The following DDX42 variants were observed in gnomAD, a reference collection of about 807,000 sequenced individuals.
DDX42 encodes the protein ATP-dependent RNA helicase DDX42.
In DDX42, 22 loss-of-function variants were observed where a neutral mutation model predicts 101.5. The ratio of observed to expected loss-of-function variants is 0.22; its 90% CI spans 0.15 to 0.31. The LOEUF (loss-of-function observed/expected upper bound fraction) is 0.31, where lower values mean the gene tolerates loss of function less well. DDX42 is among the 10% of genes least tolerant of loss of function. The probability of loss-of-function intolerance (pLI) is 1.00; values close to 1 mark genes in which losing one functional copy is unlikely to be tolerated. For synonymous variants in DDX42, 402 were observed against 401.2 expected, an observed-to-expected ratio of 1.00 and a Z score of -0.02; for missense variants, 849 against 1,199.9, an observed-to-expected ratio of 0.71 and a Z score of 4.32.
chr17:63,780,387 G>T (rs1431908670), intron 1 of DDX42, among the ~76,000 whole-genome samples: 1 of 152,176 alleles, frequency 6.6e-6, no homozygotes, highest in Non-Finnish European at 1.5e-5. Context: ...ATTTAATCAG[G>T]AAGGGTGGTT....
intron 1 of DDX42, among the ~76,000 whole-genome samples, chr17:63,778,445 T>A (rs1254767296): frequency 6.6e-6 from 1 of 152,228 alleles, no homozygotes; most frequent in Non-Finnish European, 1.5e-5. Context: ...TGCTTGCTTT[T>A]CATAGCACTT....
chr17:63,778,157 G>A (rs2039443262), intron 1 of DDX42, among the ~76,000 whole-genome samples: 1 of 152,184 alleles, frequency 6.6e-6, no homozygotes, highest in Non-Finnish European at 1.5e-5. Flanking sequence ...CACACACTAT[G>A]CTACTCTACC....
At chr17:63,788,311 T>C (rs1249155019) in intron 2 of DDX42, among the ~76,000 whole-genome samples, 11 of 50,578 alleles carry the variant, frequency 2.2e-4, no homozygotes, top group East Asian at 9.5e-4. Context: ...CATCTGAGTC[T>C]TTTTTTTTTT....
chr17:63,812,228 A>G lies in DDX42; in HGVS notation c.1675+20A>G. On this transcript the variant is annotated intron_variant, in intron 14 of 17. Transcript: ENST00000389924. ...TTGCAGGTAGAGTATGAATTTTTCA[A>G]CAACATTAAGTTCCTAGGCTATAAG... 1.9e-6 allele frequency: 3 copies of G among 1,604,718 alleles called. No homozygotes were observed. The highest frequency in any genetic ancestry group is 2.6e-6 in the Non-Finnish European group (3 of 1,174,920).
intron 6 of DDX42, among the ~76,000 whole-genome samples, chr17:63,804,280 GA>G (rs141563748): frequency 1.4e-4 from 21 of 147,450 alleles, no homozygotes; most frequent in Middle Eastern, 3.2e-3. Context: ...CCCTGTCTCT[GA>G]AAAAAAAAAT....
In DDX42 at chr17:63,816,720, T is replaced by A. The variant is rs78831230; in HGVS notation, c.2014-148T>A. ...GCATTTTTAAATGATTGTCACTGTG[T>A]CTTTTCTCACAAAGCAGTAGCAGCT... On this transcript the variant is annotated intron_variant, in intron 16 of 17. Coordinates refer to ENST00000389924, the MANE Select transcript of DDX42 (RefSeq NM_203499.3). The A allele has an allele frequency of 6.3e-3, 3,168 of 499,170 alleles. 72 individuals carry two copies. Among genetic ancestry groups the A allele is most frequent in the African/African-American group, 0.057 (2,867 of 50,390 alleles). The allele number at this position is 499,170 out of a possible 1,614,324, so 30.9% of individuals were successfully genotyped here. A position where few individuals can be genotyped will look rare whatever the true frequency, so the allele number is the denominator to read the frequency against.
chr17:63,779,520 T>C (rs1362595518), intron 1 of DDX42, among the ~76,000 whole-genome samples: 1 of 152,028 alleles, frequency 6.6e-6, no homozygotes, highest in Non-Finnish European at 1.5e-5. Flanking sequence ...TGCCTTGGCT[T>C]CCCAAAGTGC....
At chr17:63,801,925 C>G (rs757864316) in intron 6 of DDX42, among the ~76,000 whole-genome samples, 1 of 151,336 alleles carries the variant, frequency 6.6e-6, no homozygotes, top group Non-Finnish European at 1.5e-5. Flanking sequence ...AAATATCAGC[C>G]GAGATCTCAC....
At chr17:63,815,891 C>T (rs1188367120) in intron 16 of DDX42, 1 of 284,882 alleles carries the variant, frequency 3.5e-6, no homozygotes, top group African/African-American at 2.2e-5. Flanking sequence ...TAGGCTTGCT[C>T]AGGAAATTAT....
At chr17:63,806,883 C>G (rs527761793) in intron 8 of DDX42, among the ~76,000 whole-genome samples, 50 of 152,196 alleles carry the variant, frequency 3.3e-4, no homozygotes, top group African/African-American at 1.2e-3. Flanking sequence ...AGGCCTAAAC[C>G]TAACCAAAAA....
chr17:63,809,667 T>C lies in DDX42; in HGVS notation c.1252+8T>C, dbSNP rs756289857. On this transcript the variant is annotated splice_region_variant and intron_variant, in intron 11 of 17. Transcript: ENST00000389924. ...TGTTTGACATGGGATTTGGTATGCC[T>C]TGAATACCAGTTTCTTCTGTCCCCA... is the stretch of plus-strand genomic sequence containing the variant. 5.6e-6 allele frequency: 9 copies of C among 1,602,338 alleles called. No homozygotes were observed. Among genetic ancestry groups the C allele is most frequent in the Admixed American group, 1.7e-5 (1 of 59,996 alleles).
intron 1 of DDX42, among the ~76,000 whole-genome samples, chr17:63,783,791 C>T (rs978697322): frequency 2.0e-5 from 3 of 151,990 alleles, no homozygotes; most frequent in Non-Finnish European, 4.4e-5. Flanking sequence ...GCCTGGGTGC[C>T]GTGGCTCACA....
rs150072962 is a variant in DDX42 at position 63,808,959 on chromosome 17, C to G, written c.1152+11C>G. ...GTTGTGTGTACCCCAGTAAGTATGC[C>G]TTGTGTTTAAATGGCTTCTCAGCCT... is the stretch of plus-strand genomic sequence containing the variant. On this transcript the variant is annotated intron_variant, in intron 10 of 17. Transcript: ENST00000389924. 9.9e-6 allele frequency: 16 copies of G among 1,611,236 alleles called. No homozygotes were observed. In the East Asian group the frequency reaches 3.3e-4, roughly 34 times the overall value.
At chr17:63,780,764 G>T (rs1471361034) in intron 1 of DDX42, among the ~76,000 whole-genome samples, 1 of 152,188 alleles carries the variant, frequency 6.6e-6, no homozygotes, top group Non-Finnish European at 1.5e-5. Flanking sequence ...GGCAGGAGTT[G>T]ATTTGCTGCT....
intron 1 of DDX42, among the ~76,000 whole-genome samples, chr17:63,784,670 A>T (rs1012454192): frequency 2.0e-5 from 3 of 152,202 alleles, no homozygotes; most frequent in Admixed American, 2.0e-4. Context: ...GCTACTCAGG[A>T]GGCTGAGGTG....
At chr17:63,803,583 AAAAG>A (rs1862274044) in intron 6 of DDX42, among the ~76,000 whole-genome samples, 3 of 151,594 alleles carry the variant, frequency 2.0e-5, no homozygotes, top group Non-Finnish European at 4.4e-5. Context: ...AAAAAAAAAA[AAAAG>A]GTATCTGAAA....
chr17:63,775,717 T>C (rs2039412569), intron 1 of DDX42, among the ~76,000 whole-genome samples: 1 of 151,896 alleles, frequency 6.6e-6, no homozygotes, highest in Non-Finnish European at 1.5e-5. Flanking sequence ...TATTAGGAGA[T>C]AAGGTCAGGG....
chr17:63,789,571 G>GTTTT (rs538515067), intron 2 of DDX42, among the ~76,000 whole-genome samples: 2 of 45,680 alleles, frequency 4.4e-5, no homozygotes, highest in African/African-American at 2.1e-4. Flanking sequence ...TTTTGTTTTT[G>GTTTT]TTTTTTTTTT....
chr17:63,811,678 C>T (rs2039911889), intron 13 of DDX42: 1 of 567,338 alleles, frequency 1.8e-6, no homozygotes, highest in Admixed American at 3.0e-5. Flanking sequence ...CCTTCAGTTG[C>T]TTGCCATGGT....
Sources: allele counts gnomAD v4.1 joint callset (sites outside exome capture counted in the v4.1 genomes callset), GRCh38; gene constraint gnomAD v4.1.1; transcripts MANE v1.5; gene names NCBI Gene and HGNC (gene_info 2026-07-23, HGNC 2026-07-21).